RAB14: variants seen among roughly 807,000 people sequenced by gnomAD.
The protein encoded by RAB14 is RAB14, member RAS oncogene family, also known as ras-related protein Rab-14.
A neutral mutation model predicts 31.1 loss-of-function variants in RAB14; 3 were observed. That is an observed-to-expected ratio of 0.10 (90% CI 0.04 to 0.25). RAB14 has a LOEUF of 0.25. Among genes scored for constraint, RAB14 ranks in the 10% least tolerant of loss-of-function variants. The pLI is 1.00. For missense variants in RAB14, 111 were observed against 260.1 expected, an observed-to-expected ratio of 0.43 and a Z score of 3.94; for synonymous variants, 85 against 84.9, an observed-to-expected ratio of 1.00 and a Z score of 0.00.
rs1434063356 is a variant in RAB14, at chr9:121,178,952, T to A, written c.*2444A>T. The A allele has an allele frequency of 6.6e-6, 1 of 152,214 alleles. No homozygotes were observed. The highest frequency in any genetic ancestry group is 1.9e-4 in the East Asian group (1 of 5,200). 9.4% of individuals were successfully genotyped at this position (152,214 alleles called of 1,614,324 possible). A position where few individuals can be genotyped will look rare whatever the true frequency, so the allele number is the denominator to read the frequency against. The stretch of plus-strand genomic sequence containing the variant: ...TGTCTGGCACACGCATGTTACAATA[T>A]GACAATCTGCTCTATTTGTGAGCAC... On this transcript the variant is annotated 3_prime_UTR_variant, in exon 8 of 8. Transcript: ENST00000373840.
intron 5 of RAB14, among the ~76,000 whole-genome samples, chr9:121,184,328 C>G (rs1283696717): frequency 6.6e-6 from 1 of 152,012 alleles, no homozygotes; most frequent in East Asian, 1.9e-4. Context: ...ACCATTCATA[C>G]AAGTGAAGTT....
intron 5 of RAB14, among the ~76,000 whole-genome samples, chr9:121,186,182 C>T (rs1468182420): frequency 1.3e-5 from 2 of 152,128 alleles, no homozygotes; most frequent in African/African-American, 4.8e-5. Flanking sequence ...TGAAACTTCA[C>T]TCACCCCTCA....
At chr9:121,188,092 C>T (rs1425002258) in intron 4 of RAB14, among the ~76,000 whole-genome samples, 1 of 151,876 alleles carries the variant, frequency 6.6e-6, no homozygotes, top group East Asian at 1.9e-4. Context: ...TATTGTGTTA[C>T]ATCATATTAT....
chr9:121,185,425 G>A (rs967360612), intron 5 of RAB14, among the ~76,000 whole-genome samples: 5 of 152,166 alleles, frequency 3.3e-5, no homozygotes, highest in African/African-American at 9.6e-5. Context: ...GCACATGTGC[G>A]TTCGTGCATG....
In RAB14 at chr9:121,182,085, T is replaced by C. The variant is rs78261717; in HGVS notation, c.471-512A>G. Among the ~76,000 whole-genome samples the C allele has an allele frequency of 1.0e-3, 156 of 152,276 alleles. 1 individual carries two copies. The East Asian group carries it at 0.024, about 24-fold the overall frequency. Reference sequence around the variant, plus strand: ...TATGGAAAGCATACATACATACGTGTACTGAAAGCCCTTTCTACAAACCCT... The same window carrying C: ...TATGGAAAGCATACATACATACGTGCACTGAAAGCCCTTTCTACAAACCCT... On this transcript the variant is annotated intron_variant, in intron 7 of 7. Coordinates refer to ENST00000373840, the MANE Select transcript of RAB14 (RefSeq NM_016322.4).
intron 5 of RAB14, among the ~76,000 whole-genome samples, chr9:121,184,487 C>A (rs1404294175): frequency 6.6e-6 from 1 of 152,186 alleles, no homozygotes; most frequent in African/African-American, 2.4e-5. Context: ...TTGACACCAA[C>A]TGGTAAAATC....
At chr9:121,192,521 TTA>T (rs1476175269) in intron 2 of RAB14, among the ~76,000 whole-genome samples, 1 of 152,126 alleles carries the variant, frequency 6.6e-6, no homozygotes, top group Non-Finnish European at 1.5e-5. Context: ...TTTCAAAATT[TTA>T]TGTTTTTGTT....
intron 7 of RAB14, among the ~76,000 whole-genome samples, chr9:121,182,288 T>C (rs751135748): frequency 1.3e-4 from 20 of 152,326 alleles, no homozygotes; most frequent in Middle Eastern, 3.4e-3. Context: ...CAGCCAAGCA[T>C]GAACTGAGCT....
rs79189175 is a variant in RAB14, at chr9:121,178,199, G to C, written c.*3197C>G. 6.6e-6 allele frequency: 1 copy of C among 152,136 alleles called. No homozygotes were observed. Among genetic ancestry groups the C allele is most frequent in the African/African-American group, 2.4e-5 (1 of 41,430 alleles). The allele number at this position is 152,136 out of a possible 1,614,324, so 9.4% of individuals were successfully genotyped here. ...CTAGACGTGAACCGTTAAGATACGG[G>C]ATCAATGGAGTTACAATAAAGACAA... On this transcript the variant is annotated 3_prime_UTR_variant, in exon 8 of 8. Transcript: ENST00000373840.
At chr9:121,199,539 T>C (rs960480591) in intron 1 of RAB14, among the ~76,000 whole-genome samples, 1 of 152,216 alleles carries the variant, frequency 6.6e-6, no homozygotes, top group Admixed American at 6.5e-5. Context: ...CACAATATCT[T>C]ACTGTGACTA....
chr9:121,197,262 G>T (rs1564322328), intron 1 of RAB14, among the ~76,000 whole-genome samples: 1 of 152,010 alleles, frequency 6.6e-6, no homozygotes, highest in Non-Finnish European at 1.5e-5. Flanking sequence ...ATATTAATAT[G>T]CTTAATATTG....
chr9:121,186,326 T>C (rs887520670), intron 5 of RAB14, among the ~76,000 whole-genome samples: 3 of 152,194 alleles, frequency 2.0e-5, no homozygotes, highest in Non-Finnish European at 4.4e-5. Flanking sequence ...AGCACAGTTA[T>C]CTGCATATCT....
At position 121,179,944 on chromosome 9, in the gene RAB14, A is replaced by T. The variant is rs904078442; in HGVS notation, c.*1452T>A. 3.1e-5 allele frequency: 4 copies of T among 129,132 alleles called. No homozygotes were observed. Among genetic ancestry groups the T allele is most frequent in the Non-Finnish European group, 3.7e-5 (2 of 53,964 alleles). 8.0% of individuals were successfully genotyped at this position (129,132 alleles called of 1,614,324 possible). A position where few individuals can be genotyped will look rare whatever the true frequency, so the allele number is the denominator to read the frequency against. On this transcript the variant is annotated 3_prime_UTR_variant, in exon 8 of 8. Transcript: ENST00000373840. ...CCAGCCACTGAATCATAAATGCAATAAAAAAAATCAACAGAAATGAAGAAC... is the reference window on the plus strand; with the variant it reads ...CCAGCCACTGAATCATAAATGCAATTAAAAAAATCAACAGAAATGAAGAAC...
intron 4 of RAB14, 75 bp downstream of exon 4, chr9:121,190,478 AT>A (rs553935386): frequency 2.4e-4 from 326 of 1,331,982 alleles, no homozygotes; most frequent in Non-Finnish European, 3.2e-4. Flanking sequence ...ACTAAAAAAA[AT>A]GCCTATCAAT....
chr9:121,193,831 G>A (rs903905882), intron 1 of RAB14, among the ~76,000 whole-genome samples: 1 of 152,080 alleles, frequency 6.6e-6, no homozygotes, highest in African/African-American at 2.4e-5. Flanking sequence ...GATCAAGTAA[G>A]TTACTAATGA....
At chr9:121,200,083 T>A (rs1223445255) in intron 1 of RAB14, among the ~76,000 whole-genome samples, 1 of 152,224 alleles carries the variant, frequency 6.6e-6, no homozygotes, top group Admixed American at 6.5e-5. Flanking sequence ...ATAAGGACAC[T>A]GAGTCCGAAA....
At chr9:121,189,106 T>C (rs995766249) in intron 4 of RAB14, among the ~76,000 whole-genome samples, 4 of 152,154 alleles carry the variant, frequency 2.6e-5, no homozygotes, top group Non-Finnish European at 4.4e-5. Context: ...GTTTCATCTA[T>C]GTTGTGGCCT....
At chr9:121,190,772 A>T in intron 3 of RAB14, 41 bp from the exon 4 acceptor site, 1 of 1,592,230 alleles carries the variant, frequency 6.3e-7, no homozygotes, top group Non-Finnish European at 8.6e-7. Context: ...ATTTTCAGAA[A>T]ACTTCAAATT....
intron 1 of RAB14, 23 bp downstream of exon 1, chr9:121,201,616 A>G (rs914021534): frequency 6.6e-6 from 1 of 152,306 alleles, no homozygotes; most frequent in African/African-American, 2.4e-5. Context: ...AGCCGGCCGG[A>G]CACTACGGAA....
Sources: allele counts gnomAD v4.1 joint callset (sites outside exome capture counted in the v4.1 genomes callset), GRCh38; gene constraint gnomAD v4.1.1; transcripts MANE v1.5; gene names NCBI Gene and HGNC (gene_info 2026-07-23, HGNC 2026-07-21).